Variants in FGF12 observed in about 807,000 individuals in gnomAD.
The protein encoded by FGF12 is fibroblast growth factor 12B.
FGF12 carries 14 observed loss-of-function variants against 23.6 expected under a neutral mutation model. That is an observed-to-expected ratio of 0.59 (90% CI 0.39 to 0.93). The LOEUF (loss-of-function observed/expected upper bound fraction) is 0.93, where lower values mean the gene tolerates loss of function less well. FGF12 is among the 40% of genes least tolerant of loss of function. The pLI is 0.00. For synonymous variants in FGF12, 62 were observed against 77.3 expected (o/e 0.80, Z 1.04); for missense variants, 175 against 217.8 (o/e 0.80, Z 1.24).
In FGF12 at chr3:192,583,415, A is replaced by C. The variant is rs186855687; in HGVS notation, c.13+143766T>G. ...GAAAATACTGTTACCGGTCCTAAAA[A>C]AATACTTTTGGCAGTGAGAGTGAAC... On this transcript the variant is annotated intron_variant, in intron 2 of 5. Transcript: ENST00000445105. Among the ~76,000 whole-genome samples the C allele has an allele frequency of 3.3e-5, 5 of 152,344 alleles. No individual in the cohort carries two copies. In the East Asian group the frequency reaches 7.7e-4, roughly 23 times the overall value.
At chr3:192,265,841 G>GA (rs1713045339) in intron 4 of FGF12, among the ~76,000 whole-genome samples, 1 of 151,862 alleles carries the variant, frequency 6.6e-6, no homozygotes, top group South Asian at 2.1e-4. Context: ...ACACAATAAT[G>GA]AAAAAAAGAA....
At chr3:192,664,877 C>T (rs938844945) in intron 2 of FGF12, among the ~76,000 whole-genome samples, 5 of 152,138 alleles carry the variant, frequency 3.3e-5, no homozygotes, top group Admixed American at 2.6e-4. Context: ...GACGTAATGT[C>T]TACTATCTAG....
intron 2 of FGF12, among the ~76,000 whole-genome samples, chr3:192,701,139 C>G (rs1457800877): frequency 6.6e-6 from 1 of 152,164 alleles, no homozygotes; most frequent in East Asian, 1.9e-4. Context: ...AACCCTTTAT[C>G]TTAACCCAGA....
rs73889351 is a variant in FGF12 at position 192,486,235 on chromosome 3, C to T, written c.14-125697G>A. Among the ~76,000 whole-genome samples, 841 of 152,266 alleles carry T rather than the reference C, an allele frequency of 5.5e-3. 9 individuals are homozygous for T. The highest frequency in any genetic ancestry group is 0.019 in the African/African-American group (803 of 41,556). ...TGGAGTTATATATCAATGAGCAAGA[C>T]AGACGTTTCTTATCCTCAAGTAGTT... On this transcript the variant is annotated intron_variant, in intron 2 of 5. Transcript: ENST00000445105.
intron 2 of FGF12, among the ~76,000 whole-genome samples, chr3:192,436,413 C>T (rs1026070475): frequency 6.6e-6 from 1 of 152,130 alleles, no homozygotes; most frequent in African/African-American, 2.4e-5. Context: ...GATCGCTGGG[C>T]CTTACTTCCA....
chr3:192,271,400 C>T (rs1713429341), intron 4 of FGF12, among the ~76,000 whole-genome samples: 1 of 152,168 alleles, frequency 6.6e-6, no homozygotes, highest in Non-Finnish European at 1.5e-5. Flanking sequence ...ATTCTCAGCC[C>T]ATTTGCTGGA....
At chr3:192,649,694 T>G (rs1314655882) in intron 2 of FGF12, among the ~76,000 whole-genome samples, 1 of 151,516 alleles carries the variant, frequency 6.6e-6, no homozygotes, top group Non-Finnish European at 1.5e-5. Flanking sequence ...AGTGCGGAAT[T>G]ATAGGCGTGC....
At chr3:192,443,324 C>T (rs1338867016) in intron 2 of FGF12, among the ~76,000 whole-genome samples, 2 of 152,114 alleles carry the variant, frequency 1.3e-5, no homozygotes, top group African/African-American at 4.8e-5. Flanking sequence ...GCTCCTATAT[C>T]CACAACTGAG....
At position 192,340,785 on chromosome 3, in the gene FGF12, G is replaced by A. The variant is rs143171960; in HGVS notation, c.125-5321C>T. Among the ~76,000 whole-genome samples, 34 of 152,156 alleles carry A rather than the reference G, an allele frequency of 2.2e-4. 1 individual carries two copies. In the East Asian group the frequency reaches 6.6e-3, roughly 29 times the overall value. ...TGAAAGAATGAAATTGGGCCCTTAT[G>A]TTATACCATACATAAAATTCATTCA... is the stretch of plus-strand genomic sequence containing the variant. On this transcript the variant is annotated intron_variant, in intron 3 of 5. Coordinates refer to ENST00000445105, the MANE Select transcript of FGF12 (RefSeq NM_004113.6).
At chr3:192,635,189 T>G (rs541101170) in intron 2 of FGF12, among the ~76,000 whole-genome samples, 2 of 152,334 alleles carry the variant, frequency 1.3e-5, no homozygotes, top group Non-Finnish European at 2.9e-5. Flanking sequence ...CTATGATCTA[T>G]TACTATAATC....
intron 2 of FGF12, among the ~76,000 whole-genome samples, chr3:192,671,501 A>G (rs999388101): frequency 2.0e-5 from 3 of 152,080 alleles, no homozygotes; most frequent in Non-Finnish European, 4.4e-5. Context: ...AGTTAACCCA[A>G]CGTTTGGTAG....
At chr3:192,531,057 C>A (rs1259425116) in intron 2 of FGF12, among the ~76,000 whole-genome samples, 1 of 152,164 alleles carries the variant, frequency 6.6e-6, no homozygotes, top group Non-Finnish European at 1.5e-5. Context: ...GGTGATGCAC[C>A]CACCTCGGCC....
intron 2 of FGF12, among the ~76,000 whole-genome samples, chr3:192,567,991 C>A (rs1712421136): frequency 6.6e-6 from 1 of 151,836 alleles, no homozygotes; most frequent in African/African-American, 2.4e-5. Context: ...AGCCATCATG[C>A]CTGGCTAATT....
intron 2 of FGF12, among the ~76,000 whole-genome samples, chr3:192,704,380 T>C (rs34662184): frequency 6.6e-6 from 1 of 152,170 alleles, no homozygotes; most frequent in South Asian, 2.1e-4. Flanking sequence ...TATTTCTCCA[T>C]GAGAAGTCTT....
At chr3:192,642,703 C>T (rs1411048667) in intron 2 of FGF12, among the ~76,000 whole-genome samples, 1 of 152,232 alleles carries the variant, frequency 6.6e-6, no homozygotes, top group African/African-American at 2.4e-5. Flanking sequence ...TTTCACATAG[C>T]TCCAATGGTT....
intron 2 of FGF12, among the ~76,000 whole-genome samples, chr3:192,490,198 T>G (rs1723758626): frequency 6.6e-6 from 1 of 151,958 alleles, no homozygotes; most frequent in Non-Finnish European, 1.5e-5. Flanking sequence ...TAAATCTGCT[T>G]TCCACTTTAG....
At chr3:192,162,570 A>T (rs1031825779) in intron 5 of FGF12, among the ~76,000 whole-genome samples, 4 of 152,106 alleles carry the variant, frequency 2.6e-5, no homozygotes, top group Non-Finnish European at 4.4e-5. Flanking sequence ...CAGAAACCCA[A>T]AACACAAAAG....
At chr3:192,145,785 T>C (rs1577170222) in intron 5 of FGF12, among the ~76,000 whole-genome samples, 1 of 152,316 alleles carries the variant, frequency 6.6e-6, no homozygotes, top group Non-Finnish European at 1.5e-5. Flanking sequence ...GATCATATAA[T>C]TTTCAAATGA....
At chr3:192,500,140 T>A (rs1021943259) in intron 2 of FGF12, among the ~76,000 whole-genome samples, 1 of 152,184 alleles carries the variant, frequency 6.6e-6, no homozygotes, top group Non-Finnish European at 1.5e-5. Flanking sequence ...ATAAGAAACC[T>A]GCTAAGGATG....
Sources: allele counts gnomAD v4.1 joint callset (sites outside exome capture counted in the v4.1 genomes callset), GRCh38; gene constraint gnomAD v4.1.1; transcripts MANE v1.5; gene names NCBI Gene and HGNC (gene_info 2026-07-23, HGNC 2026-07-21).